ALPK1: variants seen among roughly 807,000 people sequenced by gnomAD.
ALPK1 encodes alpha-protein kinase 1.
Under a neutral mutation model 120.6 loss-of-function variants are expected in ALPK1, and 110 were observed. The observed-to-expected ratio is 0.91, with a 90% CI of 0.78 to 1.07. The LOEUF (loss-of-function observed/expected upper bound fraction) is 1.07. Ranked by LOEUF, ALPK1 falls within the 50% of genes least tolerant of loss-of-function variation. The probability of loss-of-function intolerance (pLI) is 0.00; values close to 1 mark genes in which losing one functional copy is unlikely to be tolerated. For synonymous variants in ALPK1, 582 were observed against 560.3 expected, an observed-to-expected ratio of 1.04 and a Z score of -0.55; for missense variants, 1,498 against 1,483.9, an observed-to-expected ratio of 1.01 and a Z score of -0.16.
At chr4:112,392,881 C>T (rs1283788649) in intron 4 of ALPK1, among the ~76,000 whole-genome samples, 1 of 152,180 alleles carries the variant, frequency 6.6e-6, no homozygotes, top group East Asian at 1.9e-4. Flanking sequence ...GTCACATTCC[C>T]TGTATCTGAA....
chr4:112,348,932 G>A (rs1017867168), intron 2 of ALPK1, among the ~76,000 whole-genome samples: 9 of 152,210 alleles, frequency 5.9e-5, no homozygotes, highest in African/African-American at 1.9e-4. Context: ...TCTGTAATCC[G>A]ATGGAGGCTC....
chr4:112,325,700 A>T (rs1300603181), intron 2 of ALPK1, among the ~76,000 whole-genome samples: 4 of 152,136 alleles, frequency 2.6e-5, no homozygotes, highest in African/African-American at 9.7e-5. Context: ...AGTCTTCATG[A>T]GCCACTGCTG....
At chr4:112,310,281 T>G (rs1472008171) in intron 1 of ALPK1, among the ~76,000 whole-genome samples, 1 of 152,118 alleles carries the variant, frequency 6.6e-6, no homozygotes, top group Non-Finnish European at 1.5e-5. Context: ...TTCTTATAAG[T>G]ATATAATAAC....
At chr4:112,331,482 G>A (rs970946505) in intron 2 of ALPK1, among the ~76,000 whole-genome samples, 4 of 152,156 alleles carry the variant, frequency 2.6e-5, no homozygotes, top group Non-Finnish European at 4.4e-5. Context: ...ATTGCACTGT[G>A]ATTATCTTTC....
chr4:112,351,925 A>AT (rs1166442939), intron 2 of ALPK1, among the ~76,000 whole-genome samples: 1 of 152,214 alleles, frequency 6.6e-6, no homozygotes, highest in Non-Finnish European at 1.5e-5. Context: ...TAAAATGAGG[A>AT]TCTCCTCCTC....
At chr4:112,331,690 T>C (rs1273280074) in intron 2 of ALPK1, among the ~76,000 whole-genome samples, 1 of 152,212 alleles carries the variant, frequency 6.6e-6, no homozygotes, top group Non-Finnish European at 1.5e-5. Context: ...GAAATTCCCA[T>C]TACACTGTAT....
At chr4:112,376,717 G>C (rs368996136) in intron 2 of ALPK1, among the ~76,000 whole-genome samples, 2 of 152,248 alleles carry the variant, frequency 1.3e-5, no homozygotes, top group African/African-American at 4.8e-5. Flanking sequence ...AGAATAACTA[G>C]AGCCATCCAT....
chr4:112,351,278 C>T (rs2148710984), intron 2 of ALPK1, among the ~76,000 whole-genome samples: 1 of 152,178 alleles, frequency 6.6e-6, no homozygotes, highest in South Asian at 2.1e-4. Flanking sequence ...CTGCAGTGAA[C>T]TGGACAGAGG....
At chr4:112,327,339 G>T (rs1729157614) in intron 2 of ALPK1, among the ~76,000 whole-genome samples, 1 of 152,198 alleles carries the variant, frequency 6.6e-6, no homozygotes, top group African/African-American at 2.4e-5. Flanking sequence ...ATAAACATAT[G>T]TAAGTTGATA....
intron 2 of ALPK1, among the ~76,000 whole-genome samples, chr4:112,374,051 A>G (rs1046839779): frequency 2.1e-4 from 32 of 152,206 alleles, no homozygotes; most frequent in African/African-American, 7.2e-4. Flanking sequence ...AGTTTGCTAC[A>G]TGGATTGAGT....
At chr4:112,438,998 A>T (rs1046752522) in intron 13 of ALPK1, among the ~76,000 whole-genome samples, 1 of 152,176 alleles carries the variant, frequency 6.6e-6, no homozygotes, top group Non-Finnish European at 1.5e-5. Context: ...ATCTATCTTT[A>T]TCTAACTTCT....
intron 5 of ALPK1, among the ~76,000 whole-genome samples, chr4:112,421,022 G>A (rs1020009124): frequency 2.6e-5 from 4 of 151,988 alleles, no homozygotes; most frequent in African/African-American, 7.3e-5. Flanking sequence ...TAGTAGAGAC[G>A]GGGTTTCACC....
rs145626590 is a variant in ALPK1, at chr4:112,341,619, G to A, written c.-101+25767G>A. 2.9e-3 allele frequency among the ~76,000 whole-genome samples: 439 copies of A among 151,884 alleles called. 8 individuals carry two copies. The highest frequency in any genetic ancestry group is 0.024 in the Admixed American group (359 of 15,240). On this transcript the variant is annotated intron_variant, in intron 2 of 15. Transcript: ENST00000650871. ...TTCTCCTCAATTATTCTCCTTTTAC[G>A]TCCAATAATGATGTGCGAGATGGTA...
chr4:112,337,416 T>C (rs1429023777), intron 2 of ALPK1, among the ~76,000 whole-genome samples: 1 of 152,192 alleles, frequency 6.6e-6, no homozygotes, highest in Non-Finnish European at 1.5e-5. Context: ...AGTGTTGGGC[T>C]GGGTGCAGTG....
intron 2 of ALPK1, among the ~76,000 whole-genome samples, chr4:112,366,008 A>G (rs926674764): frequency 2.0e-5 from 3 of 152,216 alleles, no homozygotes; most frequent in Admixed American, 2.0e-4. Flanking sequence ...AGCCATATGT[A>G]GAAGAATAGA....
intron 3 of ALPK1, among the ~76,000 whole-genome samples, chr4:112,381,416 G>A (rs1731898738): frequency 6.6e-6 from 1 of 152,194 alleles, no homozygotes; most frequent in Non-Finnish European, 1.5e-5. Flanking sequence ...TGCAAGACAA[G>A]TACCTAGAGA....
At chr4:112,356,527 C>T in intron 2 of ALPK1, 1 of 858,582 alleles carries the variant, frequency 1.2e-6, no homozygotes, top group South Asian at 1.3e-5. Flanking sequence ...TCCTACCGGC[C>T]TGAGGTGTGT....
rs1278809487 is a variant in ALPK1 at position 112,431,400 on chromosome 4, A to T, written c.1853A>T (p.Asp618Val). ...GAGCCTGGCAAAGAACATCTGGTGGACACTCAGTGTTCCACTGCCTTGTCT... is the reference window on the plus strand; with the variant it reads ...GAGCCTGGCAAAGAACATCTGGTGGTCACTCAGTGTTCCACTGCCTTGTCT... ...RKEPGKEHLV[D>V]TQCSTALSEE... Residue 618 changes from aspartate (D) to valine (V), a missense_variant, in exon 11 of 16, where the codon GAC (aspartate) becomes GTC (valine). Physicochemically the swap from Asp to Val is radical, Grantham distance 152 (BLOSUM62 -3). Transcript: ENST00000650871. The T allele has an allele frequency of 1.2e-6, 2 of 1,614,102 alleles. No individual in the cohort carries two copies. Among genetic ancestry groups the T allele is most frequent in the Non-Finnish European group, 1.7e-6 (2 of 1,180,046 alleles).
At chr4:112,369,712 A>T (rs1435023428) in intron 2 of ALPK1, among the ~76,000 whole-genome samples, 1 of 152,196 alleles carries the variant, frequency 6.6e-6, no homozygotes, top group African/African-American at 2.4e-5. Flanking sequence ...AATTTGTTTT[A>T]TAATAATTAT....
Sources: allele counts gnomAD v4.1 joint callset (sites outside exome capture counted in the v4.1 genomes callset), GRCh38; gene constraint gnomAD v4.1.1; transcripts MANE v1.5; gene names NCBI Gene and HGNC (gene_info 2026-07-23, HGNC 2026-07-21).